MAGI3: variants seen among roughly 807,000 people sequenced by gnomAD.
MAGI3 encodes the protein membrane associated guanylate kinase, WW and PDZ domain containing 3.
In MAGI3, 43 loss-of-function variants were observed where a neutral mutation model predicts 121.8. The ratio of observed to expected loss-of-function variants is 0.35; its 90% CI spans 0.28 to 0.46. The LOEUF is 0.46. Among genes scored for constraint, MAGI3 ranks in the 20% least tolerant of loss-of-function variants. The pLI is 1.00. For missense variants in MAGI3, 1,547 were observed against 1,797.3 expected (o/e 0.86, Z 2.52); for synonymous variants, 553 against 639.3 (o/e 0.86, Z 2.04).
intron 1 of MAGI3, among the ~76,000 whole-genome samples, chr1:113,532,358 T>TTA (rs1441208708): frequency 2.0e-5 from 3 of 150,926 alleles, no homozygotes; most frequent in Admixed American, 6.7e-5. Context: ...CAGTCAGTAT[T>TTA]TATATATATA....
chr1:113,482,086 T>C (rs1456464519), intron 1 of MAGI3, among the ~76,000 whole-genome samples: 1 of 151,876 alleles, frequency 6.6e-6, no homozygotes, highest in African/African-American at 2.4e-5. Context: ...AAAATTAAAT[T>C]TAAATATTTA....
chr1:113,683,669 A>T lies in MAGI3; in HGVS notation c.4101A>T (p.Pro1367=), dbSNP rs768021509. The T allele has an allele frequency of 1.2e-6, 2 of 1,607,994 alleles. No homozygotes were observed. The highest frequency in any genetic ancestry group is 3.4e-5 in the Admixed American group (2 of 58,704). ...AAAGAATGGTTGAGAAATCTCTTCC[A>T]TCCAAAATGACTAATAAGACTACAA... is the stretch of plus-strand genomic sequence containing the variant. ...KIKRMVEKSL[P]SKMTNKTTSK... is the part of the protein sequence containing the mutation. Residue 1367 remains proline (P), a synonymous_variant, in exon 21 of 21, where the codon CCA becomes CCT. Transcript: ENST00000307546.
chr1:113,562,854 A>C (rs7536360), intron 2 of MAGI3, among the ~76,000 whole-genome samples: 34,347 of 152,160 alleles, frequency 0.23, 4,931 homozygotes, highest in East Asian at 0.65. Flanking sequence ...TGGAAAACAG[A>C]AAACTTTAGG....
At chr1:113,678,376 G>A (rs1648006890) in intron 19 of MAGI3, among the ~76,000 whole-genome samples, 1 of 151,978 alleles carries the variant, frequency 6.6e-6, no homozygotes, top group South Asian at 2.1e-4. Flanking sequence ...ATTGGCTTTT[G>A]TTTCACTTAT....
At chr1:113,580,855 AT>A (rs1283785931) in intron 3 of MAGI3, 194 bp downstream of exon 3, 3 of 397,128 alleles carry the variant, frequency 7.6e-6, no homozygotes, top group East Asian at 4.4e-5. Context: ...AGCAAAAAAA[AT>A]CCATCATATT....
rs79695906 is a variant in MAGI3 at position 113,574,600 on chromosome 1, T to C, written c.434-5942T>C. ...TCCTTTGTAGGTAGTCTGACCTTTC[T>C]CTCTGGCTGCCCTTAACATTTTTTC... On this transcript the variant is annotated intron_variant, in intron 2 of 20. Coordinates refer to ENST00000307546, the MANE Select transcript of MAGI3 (RefSeq NM_001142782.2). 4.4e-3 allele frequency among the ~76,000 whole-genome samples: 667 copies of C among 152,320 alleles called. 7 individuals are homozygous for C. The highest frequency in any genetic ancestry group is 0.015 in the African/African-American group (625 of 41,574).
At chr1:113,669,405 A>G (rs530982103) in intron 16 of MAGI3, among the ~76,000 whole-genome samples, 1 of 152,336 alleles carries the variant, frequency 6.6e-6, no homozygotes, top group South Asian at 2.1e-4. Flanking sequence ...TTGTGATCAC[A>G]GTGTGCTTAA....
intron 1 of MAGI3, among the ~76,000 whole-genome samples, chr1:113,526,161 C>G (rs1658438916): frequency 6.6e-6 from 1 of 152,114 alleles, no homozygotes; most frequent in African/African-American, 2.4e-5. Flanking sequence ...TTATTGAGCT[C>G]TTGCTAAGTT....
rs367729638 is a variant in MAGI3 at position 113,590,477 on chromosome 1, A to G, written c.764-7A>G. ...TTTTCACACCTTTCTGTTTTGAACAATGGCAGAAAACAGAGAGAGGCATTC... is the reference window on the plus strand; with the variant it reads ...TTTTCACACCTTTCTGTTTTGAACAGTGGCAGAAAACAGAGAGAGGCATTC... On this transcript the variant is annotated splice_polypyrimidine_tract_variant and splice_region_variant and intron_variant, in intron 4 of 20. Coordinates refer to ENST00000307546, the MANE Select transcript of MAGI3 (RefSeq NM_001142782.2). 9.6e-4 allele frequency: 1,541 copies of G among 1,613,254 alleles called. 1 individual carries two copies. The highest frequency in any genetic ancestry group is 1.2e-3 in the Non-Finnish European group (1,414 of 1,179,448).
intron 7 of MAGI3, among the ~76,000 whole-genome samples, chr1:113,615,571 C>T (rs1320694299): frequency 1.3e-5 from 2 of 152,176 alleles, no homozygotes; most frequent in Admixed American, 1.3e-4. Flanking sequence ...AAGTAAGTAT[C>T]TCTGACTCCT....
intron 6 of MAGI3, among the ~76,000 whole-genome samples, chr1:113,607,880 C>G (rs1376352729): frequency 6.6e-6 from 1 of 152,058 alleles, no homozygotes; most frequent in Non-Finnish European, 1.5e-5. Flanking sequence ...ATTTATTTTT[C>G]AAAGTATTCT....
intron 6 of MAGI3, among the ~76,000 whole-genome samples, chr1:113,597,983 G>C (rs1377756954): frequency 6.6e-6 from 1 of 152,148 alleles, no homozygotes; most frequent in Non-Finnish European, 1.5e-5. Context: ...GGAGGCTGTG[G>C]TGGGCGGATA....
At chr1:113,605,910 T>A (rs1649738981) in intron 6 of MAGI3, among the ~76,000 whole-genome samples, 2 of 152,062 alleles carry the variant, frequency 1.3e-5, no homozygotes, top group African/African-American at 4.8e-5. Flanking sequence ...ATTTTTTTTT[T>A]ACCATTAAAA....
At chr1:113,503,397 A>G (rs1657145301) in intron 1 of MAGI3, among the ~76,000 whole-genome samples, 1 of 151,280 alleles carries the variant, frequency 6.6e-6, no homozygotes, top group Non-Finnish European at 1.5e-5. Flanking sequence ...CAATACTGTA[A>G]ATATTTTTCA....
intron 15 of MAGI3, among the ~76,000 whole-genome samples, chr1:113,656,776 G>A (rs1653497251): frequency 6.6e-6 from 1 of 152,122 alleles, no homozygotes; most frequent in South Asian, 2.1e-4. Flanking sequence ...CTCAAGAAGA[G>A]TTCCTAGTAG....
chr1:113,394,963 A>G (rs1428070556), intron 1 of MAGI3, among the ~76,000 whole-genome samples: 1 of 152,106 alleles, frequency 6.6e-6, no homozygotes, highest in Non-Finnish European at 1.5e-5. Flanking sequence ...AAAATGGGCT[A>G]ATTCCTAGAA....
chr1:113,557,766 T>C (rs1660059646), intron 2 of MAGI3, among the ~76,000 whole-genome samples: 1 of 152,174 alleles, frequency 6.6e-6, no homozygotes, highest in Admixed American at 6.5e-5. Context: ...GGGTGAGACC[T>C]CCTTACTGGA....
At chr1:113,503,488 C>A (rs539629783) in intron 1 of MAGI3, among the ~76,000 whole-genome samples, 1 of 151,854 alleles carries the variant, frequency 6.6e-6, no homozygotes, top group Non-Finnish European at 1.5e-5. Flanking sequence ...TAAAATGGAT[C>A]TTGAGTAACA....
chr1:113,654,759 T>A (rs1653378286), intron 15 of MAGI3, among the ~76,000 whole-genome samples: 1 of 152,010 alleles, frequency 6.6e-6, no homozygotes, highest in Non-Finnish European at 1.5e-5. Context: ...AATATAATTA[T>A]AAAATCCAGT....
Sources: gnomAD v4.1 joint callset for allele counts (sites outside exome capture counted in the v4.1 genomes callset) on GRCh38, gnomAD v4.1.1 for gene constraint, MANE v1.5 for transcripts, NCBI Gene and HGNC (gene_info 2026-07-23, HGNC 2026-07-21) for gene names.